Variants in NRXN1 observed in about 807,000 individuals in gnomAD.
The protein encoded by NRXN1 is neurexin 1.
A neutral mutation model predicts 150.9 loss-of-function variants in NRXN1; 39 were observed. That is an observed-to-expected ratio of 0.26 (90% CI 0.20 to 0.34). NRXN1 has a LOEUF of 0.34. NRXN1 is among the 10% of genes least tolerant of loss of function. The pLI is 1.00. For missense variants in NRXN1, 1,815 were observed against 1,949.9 expected (o/e 0.93, Z 1.30); for synonymous variants, 924 against 757.0 (o/e 1.22, Z -3.62).
At chr2:50,393,439 A>T (rs2103841122) in intron 17 of NRXN1, among the ~76,000 whole-genome samples, 1 of 152,182 alleles carries the variant, frequency 6.6e-6, no homozygotes, top group African/African-American at 2.4e-5. Context: ...GGATTACAGG[A>T]TAGTGTGCTG....
chr2:50,190,408 C>T (rs2061368394), intron 18 of NRXN1, among the ~76,000 whole-genome samples: 1 of 151,932 alleles, frequency 6.6e-6, no homozygotes, highest in South Asian at 2.1e-4. Flanking sequence ...AGAATTTTGT[C>T]TGAAATATAT....
chr2:50,780,540 G>C (rs1704226322), intron 5 of NRXN1, among the ~76,000 whole-genome samples: 1 of 152,002 alleles, frequency 6.6e-6, no homozygotes, highest in Non-Finnish European at 1.5e-5. Context: ...TTTCAGCTCT[G>C]AATATTTATT....
At chr2:50,477,497 C>A (rs1433099937) in intron 15 of NRXN1, among the ~76,000 whole-genome samples, 1 of 152,080 alleles carries the variant, frequency 6.6e-6, no homozygotes, top group South Asian at 2.1e-4. Flanking sequence ...ACAAATGACG[C>A]GGTAGAGATT....
intron 17 of NRXN1, among the ~76,000 whole-genome samples, chr2:50,411,867 A>G (rs187202818): frequency 3.9e-5 from 6 of 152,370 alleles, no homozygotes; most frequent in Admixed American, 3.3e-4. Context: ...GTTTTGTCAG[A>G]TAGAAAAGGG....
rs139374623 is a variant in NRXN1, at chr2:49,969,116, C to T, written c.4129-25325G>A. On this transcript the variant is annotated intron_variant, in intron 21 of 22. Coordinates refer to ENST00000401669, the MANE Select transcript of NRXN1 (RefSeq NM_001330078.2). The stretch of plus-strand genomic sequence containing the variant: ...GGCAAGTCCAACAGTAGCTTATCCC[C>T]GGCCAAATTTTTGGCTTGCTATATG... 3.8e-3 allele frequency among the ~76,000 whole-genome samples: 579 copies of T among 152,150 alleles called. 4 individuals carry two copies. Among genetic ancestry groups the T allele is most frequent in the African/African-American group, 0.013 (542 of 41,554 alleles).
intron 18 of NRXN1, among the ~76,000 whole-genome samples, chr2:50,175,645 G>A (rs1215030739): frequency 2.0e-5 from 3 of 151,694 alleles, no homozygotes; most frequent in Admixed American, 6.6e-5. Context: ...ATATGCACAT[G>A]CATGTCTATC....
intron 17 of NRXN1, among the ~76,000 whole-genome samples, chr2:50,254,283 T>A (rs937026395): frequency 6.8e-6 from 1 of 147,744 alleles, no homozygotes; most frequent in Admixed American, 6.9e-5. Flanking sequence ...TTTTTTATTG[T>A]GTCAATTTGA....
intron 17 of NRXN1, among the ~76,000 whole-genome samples, chr2:50,246,208 T>A (rs2152892351): frequency 6.6e-6 from 1 of 152,142 alleles, no homozygotes; most frequent in South Asian, 2.1e-4. Flanking sequence ...TTTGGCTTAT[T>A]CTGAAGCTTC....
intron 5 of NRXN1, among the ~76,000 whole-genome samples, chr2:50,700,115 T>G (rs1380234127): frequency 6.6e-6 from 1 of 152,228 alleles, no homozygotes; most frequent in Non-Finnish European, 1.5e-5. Context: ...AAGGACTCTT[T>G]GCAAGGTTTC....
intron 17 of NRXN1, among the ~76,000 whole-genome samples, chr2:50,302,622 G>A (rs2152955743): frequency 6.6e-6 from 1 of 152,182 alleles, no homozygotes; most frequent in Non-Finnish European, 1.5e-5. Flanking sequence ...ATCAACTTTA[G>A]CTCTTATATA....
rs71404978 is a variant in NRXN1 at position 50,865,658 on chromosome 2, G to GTTTTTTTTTTTTTTTTT, written c.832+56194_832+56210dup. On this transcript the variant is annotated intron_variant, in intron 5 of 22. Coordinates refer to ENST00000401669, the MANE Select transcript of NRXN1 (RefSeq NM_001330078.2). The stretch of plus-strand genomic sequence containing the variant: ...AGTAATTCCCAGTAAGCATTTGAAA[G>GTTTTTTTTTTTTTTTTT]TTTTTTTTTTTTTTTTTTTTTTTTT... Among the ~76,000 whole-genome samples, 90 of 41,862 alleles carry GTTTTTTTTTTTTTTTTT rather than the reference G, an allele frequency of 2.1e-3. 18 individuals carry two copies. Among genetic ancestry groups the GTTTTTTTTTTTTTTTTT allele is most frequent in the African/African-American group, 3.0e-3 (27 of 8,862 alleles). 27.5% of individuals were successfully genotyped at this position (41,862 alleles called of 152,430 possible). A position where few individuals can be genotyped will look rare whatever the true frequency, so the allele number is the denominator to read the frequency against.
intron 17 of NRXN1, among the ~76,000 whole-genome samples, chr2:50,253,272 AC>A (rs2067340616): frequency 6.6e-6 from 1 of 152,132 alleles, no homozygotes; most frequent in African/African-American, 2.4e-5. Context: ...GTATCTTGAG[AC>A]TTTGCTGAAG....
chr2:50,454,392 G>T (rs1355420126), intron 17 of NRXN1, among the ~76,000 whole-genome samples: 1 of 151,834 alleles, frequency 6.6e-6, no homozygotes, highest in Non-Finnish European at 1.5e-5. Context: ...TGCTGCAATG[G>T]AATGTGAAGA....
At chr2:50,668,326 G>C (rs1438428453) in intron 5 of NRXN1, among the ~76,000 whole-genome samples, 1 of 151,596 alleles carries the variant, frequency 6.6e-6, no homozygotes, top group Non-Finnish European at 1.5e-5. Context: ...ATGGCTCAAA[G>C]AGTGAAAAAT....
intron 18 of NRXN1, among the ~76,000 whole-genome samples, chr2:50,115,222 T>TAC (rs1393383904): frequency 6.2e-5 from 8 of 128,702 alleles, no homozygotes; most frequent in African/African-American, 2.0e-4. Context: ...TATGTGTATA[T>TAC]ATATATATAT....
intron 18 of NRXN1, among the ~76,000 whole-genome samples, chr2:50,093,486 A>T (rs1261299468): frequency 6.6e-6 from 1 of 151,184 alleles, no homozygotes; most frequent in Non-Finnish European, 1.5e-5. Context: ...AAAAAAAAGA[A>T]AATCTGGGCA....
At chr2:51,018,262 C>T (rs947012545) in intron 2 of NRXN1, among the ~76,000 whole-genome samples, 3 of 152,086 alleles carry the variant, frequency 2.0e-5, no homozygotes, top group Non-Finnish European at 4.4e-5. Context: ...CCGCTTTTAA[C>T]TTTTGGATTG....
chr2:50,016,678 G>T (rs1319605800), intron 21 of NRXN1: 1 of 152,090 alleles, frequency 6.6e-6, no homozygotes, highest in African/African-American at 2.4e-5. Context: ...ACAGCATGGG[G>T]AAAACCACCC....
chr2:50,345,973 C>T (rs1039089646), intron 17 of NRXN1, among the ~76,000 whole-genome samples: 8 of 152,174 alleles, frequency 5.3e-5, no homozygotes, highest in Admixed American at 1.3e-4. Context: ...AGAACTCAGC[C>T]TAATTACCAA....
Sources: gnomAD v4.1 joint callset for allele counts (sites outside exome capture counted in the v4.1 genomes callset) on GRCh38, gnomAD v4.1.1 for gene constraint, MANE v1.5 for transcripts, NCBI Gene and HGNC (gene_info 2026-07-23, HGNC 2026-07-21) for gene names.